Variants in DLG3 observed in about 807,000 individuals in gnomAD.
The protein encoded by DLG3 is disks large homolog 3.
In DLG3, 1 loss-of-function variant was observed where a neutral mutation model predicts 64.1. The ratio of observed to expected loss-of-function variants is 0.02; its 90% CI spans 0.01 to 0.07. The LOEUF (loss-of-function observed/expected upper bound fraction) is 0.07, where lower values mean the gene tolerates loss of function less well. DLG3 is among the 10% of genes least tolerant of loss of function. DLG3 has a pLI of 1.00. For missense variants in DLG3, 429 were observed against 669.5 expected (o/e 0.64, Z 3.96); for synonymous variants, 245 against 259.8 (o/e 0.94, Z 0.55).
intron 7 of DLG3, chrX:70,452,927 G>A: frequency 2.3e-6 from 1 of 436,111 alleles, no homozygotes; most frequent in Admixed American, 4.6e-5. Flanking sequence ...GGAGTTGGGC[G>A]GATGACACTG....
At position 70,445,570 on chromosome X, in the gene DLG3, C is replaced by T; in HGVS notation, c.357+12C>T. On this transcript the variant is annotated intron_variant, in intron 1 of 18. Transcript: ENST00000374360. ...ACTGGTATGAGCAGGTATGGACCAGCGGAGGGGGGAGCGGTGGGGCAACCC... is the reference window on the plus strand; with the variant it reads ...ACTGGTATGAGCAGGTATGGACCAGTGGAGGGGGGAGCGGTGGGGCAACCC... The T allele has an allele frequency of 8.5e-7, 1 of 1,170,868 alleles. No homozygotes were observed. The highest frequency in any genetic ancestry group is 1.1e-6 in the Non-Finnish European group (1 of 873,129).
rs757794476 is a variant in DLG3 at position 70,448,824 on chromosome X, G to C, written c.358-89G>C. ...GGGTGCACTTGGGCTCTTCTACTCT[G>C]TGGGAGTAGGGGAGGAGGCAGGTTG... On this transcript the variant is annotated intron_variant, in intron 1 of 18. Transcript: ENST00000374360. The C allele has an allele frequency of 3.0e-5, 33 of 1,090,050 alleles. No individual in the cohort carries two copies. In the African/African-American group the frequency reaches 5.8e-4, roughly 19 times the overall value. 89.8% of individuals were successfully genotyped at this position (1,090,050 alleles called of 1,213,427 possible).
chrX:70,462,431 G>T (rs2086822778), intron 9 of DLG3, among the ~76,000 whole-genome samples: 2 of 108,081 alleles, frequency 1.9e-5, no homozygotes, highest in African/African-American at 6.8e-5. Context: ...TGTATTTTTG[G>T]TAGCAATGGG....
At position 70,445,132 on chromosome X, in the gene DLG3, T is replaced by C. The variant is rs764051171; in HGVS notation, c.-70T>C. The C allele has an allele frequency of 2.8e-3, 2,500 of 878,284 alleles. 32 individuals are homozygous for C. The African/African-American group carries it at 0.03, about 10-fold the overall frequency. 72.4% of individuals were successfully genotyped at this position (878,284 alleles called of 1,213,427 possible). A position where few individuals can be genotyped will look rare whatever the true frequency, so the allele number is the denominator to read the frequency against. ...GGGAGCCCGGCGGCGGCGGCGGCGG[T>C]GGTGGCGGCGGTGGCGGCGGCGTGG... On this transcript the variant is annotated 5_prime_UTR_variant, in exon 1 of 19. Coordinates refer to ENST00000374360, the MANE Select transcript of DLG3 (RefSeq NM_021120.4).
chrX:70,493,562 C>A (rs1445884111), intron 12 of DLG3: 3 of 847,590 alleles, frequency 3.5e-6, no homozygotes, highest in Non-Finnish European at 5.2e-6. Flanking sequence ...GAAGCCTGGG[C>A]AGGGCCACGT....
At chrX:70,501,413 C>CTGTCTG (rs1421730747) in intron 18 of DLG3, among the ~76,000 whole-genome samples, 3 of 93,884 alleles carry the variant, frequency 3.2e-5, no homozygotes, top group Non-Finnish European at 6.3e-5. Flanking sequence ...GTCTGTCTGT[C>CTGTCTG]TGTGTGTGTG....
chrX:70,481,246 T>G (rs1340576100), intron 10 of DLG3, among the ~76,000 whole-genome samples: 3 of 112,382 alleles, frequency 2.7e-5, no homozygotes, highest in Non-Finnish European at 5.6e-5. Context: ...CATGTAAACA[T>G]ATTTAAGCTT....
At chrX:70,490,472 C>T (rs1229158055) in intron 10 of DLG3, among the ~76,000 whole-genome samples, 1 of 112,091 alleles carries the variant, frequency 8.9e-6, no homozygotes, top group African/African-American at 3.2e-5. Context: ...CTGCCTCTGC[C>T]ATTCTCCTTA....
chrX:70,495,079 T>A (rs974508770), intron 12 of DLG3, among the ~76,000 whole-genome samples: 1 of 111,770 alleles, frequency 8.9e-6, no homozygotes, highest in African/African-American at 3.3e-5. Context: ...CCCATTGGCC[T>A]ACAGCTGTAG....
intron 4 of DLG3, 73 bp from the exon 5 acceptor site, chrX:70,450,096 T>G: frequency 5.1e-6 from 6 of 1,170,444 alleles, no homozygotes; most frequent in Non-Finnish European, 6.9e-6. Flanking sequence ...GGGGAGGGGG[T>G]TTGGATTTGG....
chrX:70,450,842 G>A (rs2086609897), intron 6 of DLG3, 59 bp downstream of exon 6: 7 of 1,193,743 alleles, frequency 5.9e-6, no homozygotes, highest in Non-Finnish European at 8.0e-6. Context: ...TTTCTGGAGG[G>A]GAAGAAGTTC....
In DLG3 at chrX:70,485,196, C is replaced by A. The variant is rs770175428; in HGVS notation, c.1520+5932C>A. Among the ~76,000 whole-genome samples, 34 of 111,271 alleles carry A rather than the reference C, an allele frequency of 3.1e-4. No individual in the cohort carries two copies. In the East Asian group the frequency reaches 7.9e-3, roughly 26 times the overall value. ...CTGGGAGGGTCTTCTGTGGACACTC[C>A]ATCCCCTGTAGCTAGGTCTCACCCA... On this transcript the variant is annotated intron_variant, in intron 10 of 18. Transcript: ENST00000374360.
rs1266002720 is a variant in DLG3, at chrX:70,504,586, G to T, written c.*2317G>T. The stretch of plus-strand genomic sequence containing the variant: ...GTCTTCCACCCCAGCCCCAGACACT[G>T]CTTCAAATAGCACCAACCAGATGGG... On this transcript the variant is annotated 3_prime_UTR_variant, in exon 19 of 19. Transcript: ENST00000374360. 8.9e-6 allele frequency: 1 copy of T among 111,889 alleles called. No homozygotes were observed. Among genetic ancestry groups the T allele is most frequent in the Non-Finnish European group, 1.9e-5 (1 of 53,179 alleles). 9.2% of individuals were successfully genotyped at this position (111,889 alleles called of 1,213,427 possible). A position where few individuals can be genotyped will look rare whatever the true frequency, so the allele number is the denominator to read the frequency against.
intron 10 of DLG3, among the ~76,000 whole-genome samples, chrX:70,482,072 T>C (rs187134217): frequency 3.8e-4 from 43 of 112,147 alleles, no homozygotes; most frequent in African/African-American, 1.1e-3. Context: ...CACCCTATCA[T>C]GTGGAAAAGG....
At position 70,504,394 on chromosome X, in the gene DLG3, A is replaced by C. The variant is rs907584958; in HGVS notation, c.*2125A>C. The C allele has an allele frequency of 1.8e-5, 2 of 112,614 alleles. No homozygotes were observed. Among genetic ancestry groups the C allele is most frequent in the African/African-American group, 6.5e-5 (2 of 30,887 alleles). 9.3% of individuals were successfully genotyped at this position (112,614 alleles called of 1,213,427 possible). A position where few individuals can be genotyped will look rare whatever the true frequency, so the allele number is the denominator to read the frequency against. On this transcript the variant is annotated 3_prime_UTR_variant, in exon 19 of 19. Transcript: ENST00000374360. ...TGTGGCTCAGAGACCTTCTTAAAGT[A>C]GTTGAGAAGGGAGGGCGTGGGCAAA...
At chrX:70,446,202 A>G (rs1395207323) in intron 1 of DLG3, among the ~76,000 whole-genome samples, 2 of 110,601 alleles carry the variant, frequency 1.8e-5, no homozygotes, top group Non-Finnish European at 3.8e-5. Flanking sequence ...GTGTGGCTAC[A>G]TGTATATGTG....
chrX:70,474,640 A>G (rs1049050318), intron 9 of DLG3, among the ~76,000 whole-genome samples: 2 of 111,243 alleles, frequency 1.8e-5, no homozygotes, highest in African/African-American at 6.5e-5. Context: ...AAACAGGGCC[A>G]GGGAAAGAGG....
At chrX:70,456,399 T>C (rs1480116233) in intron 9 of DLG3, among the ~76,000 whole-genome samples, 2 of 112,237 alleles carry the variant, frequency 1.8e-5, no homozygotes, top group Non-Finnish European at 3.8e-5. Context: ...CTCTCTGATG[T>C]TGGGCACATG....
intron 18 of DLG3, among the ~76,000 whole-genome samples, chrX:70,501,409 C>CTGTGTGTGTGTGTGTGTGTGTGTGTG: frequency 1.3e-5 from 1 of 75,163 alleles, no homozygotes; most frequent in Non-Finnish European, 2.7e-5. Flanking sequence ...GTCTGTCTGT[C>CTGTGTGTGTGTGTGTGTGTGTGTGTG]TGTCTGTGTG....
Sources: allele counts gnomAD v4.1 joint callset (sites outside exome capture counted in the v4.1 genomes callset), GRCh38; gene constraint gnomAD v4.1.1; transcripts MANE v1.5; gene names NCBI Gene and HGNC (gene_info 2026-07-23, HGNC 2026-07-21).